RDH13: variants seen among roughly 807,000 people sequenced by gnomAD.
RDH13 encodes retinol dehydrogenase 13.
In RDH13, 35 loss-of-function variants were observed where a neutral mutation model predicts 28.3. The ratio of observed to expected loss-of-function variants is 1.24; its 90% CI spans 0.95 to 1.64. The LOEUF (loss-of-function observed/expected upper bound fraction) is 1.64. Among genes scored for constraint, RDH13 ranks in the 40% most tolerant of loss-of-function variants. The pLI, the probability that RDH13 is intolerant of heterozygous loss-of-function variation, is 0.00. For synonymous variants in RDH13, 229 were observed against 198.5 expected (o/e 1.15, Z -1.29); for missense variants, 514 against 446.3 (o/e 1.15, Z -1.37).
At chr19:55,065,115 G>A (rs2075936891), upstream of RDH13, among the ~76,000 whole-genome samples, 1 of 151,156 alleles carries the variant, frequency 6.6e-6, no homozygotes, top group East Asian at 2.0e-4. Context: ...ACTGGGCATG[G>A]TGGCTCATGC....
At chr19:55,063,166 C>T (rs371959994), upstream of RDH13, 61 of 787,012 alleles carry the variant, frequency 7.8e-5, no homozygotes, top group East Asian at 5.8e-4. Flanking sequence ...GCTGGGCCCG[C>T]GTCCGGAACT....
chr19:55,062,155 G>A (rs761339325), intron 1 of RDH13, among the ~76,000 whole-genome samples: 2 of 151,792 alleles, frequency 1.3e-5, no homozygotes, highest in Non-Finnish European at 2.9e-5. Context: ...ACATCAGCGA[G>A]AACCTCTGAC....
intron 3 of RDH13, among the ~76,000 whole-genome samples, chr19:55,049,459 G>A (rs1030581904): frequency 6.6e-6 from 1 of 152,128 alleles, no homozygotes; most frequent in African/African-American, 2.4e-5. Context: ...CTCAGCTCGG[G>A]TTCCGTAACA....
upstream of RDH13, among the ~76,000 whole-genome samples, chr19:55,064,671 T>TG (rs1180982580): frequency 1.3e-5 from 2 of 150,640 alleles, no homozygotes; most frequent in East Asian, 2.0e-4. Context: ...TGGAGAGCAG[T>TG]GGGCGATCTC....
intron 2 of RDH13, among the ~76,000 whole-genome samples, chr19:55,058,784 G>A (rs1226431614): frequency 6.6e-6 from 1 of 152,106 alleles, no homozygotes; most frequent in East Asian, 1.9e-4. Context: ...AGGTTCAAGC[G>A]ATTCTCCTGC....
intron 3 of RDH13, among the ~76,000 whole-genome samples, chr19:55,051,230 C>G (rs1359800941): frequency 6.6e-6 from 1 of 152,112 alleles, no homozygotes; most frequent in Non-Finnish European, 1.5e-5. Context: ...TGGAAGCTGA[C>G]AGGAGGCCCC....
chr19:55,066,729 C>T (rs2075970717), upstream of RDH13, among the ~76,000 whole-genome samples: 1 of 151,042 alleles, frequency 6.6e-6, no homozygotes, highest in South Asian at 2.1e-4. Context: ...GTGTGTGTCT[C>T]TCTCTCTCTG....
upstream of RDH13, among the ~76,000 whole-genome samples, chr19:55,066,732 T>C (rs934524577): frequency 5.3e-5 from 8 of 151,126 alleles, no homozygotes; most frequent in African/African-American, 1.9e-4. Context: ...TGTGTCTCTC[T>C]CTCTCTGTTC....
downstream of RDH13, chr19:55,042,661 G>A (rs2075069791): frequency 6.6e-6 from 1 of 152,148 alleles, no homozygotes; most frequent in South Asian, 2.1e-4. Context: ...CATGCTTAGG[G>A]TAGTCTTCCA....
chr19:55,046,171 G>A (rs1379357478), intron 6 of RDH13, among the ~76,000 whole-genome samples: 1 of 149,338 alleles, frequency 6.7e-6, no homozygotes, highest in Non-Finnish European at 1.5e-5. Context: ...CACTTGAACC[G>A]AGGAGGCAGA....
At chr19:55,059,569 G>A (rs1013893959) in intron 1 of RDH13, among the ~76,000 whole-genome samples, 3 of 141,118 alleles carry the variant, frequency 2.1e-5, no homozygotes, top group South Asian at 2.6e-4. Flanking sequence ...CACTTTGGGA[G>A]GCCAAAGTTT....
intron 3 of RDH13, among the ~76,000 whole-genome samples, chr19:55,048,964 AACAGAG>A (rs1419256888): frequency 1.5e-4 from 23 of 152,088 alleles, no homozygotes; most frequent in African/African-American, 3.9e-4. Flanking sequence ...AGGAAGGGAA[AACAGAG>A]ACAGAGACAC....
At chr19:55,044,043 A>C (rs1190413022), downstream of RDH13, 1 of 151,690 alleles carries the variant, frequency 6.6e-6, no homozygotes, top group Admixed American at 6.6e-5. Context: ...CAGCCTCCCG[A>C]GTAGCTGGGA....
intron 6 of RDH13, chr19:55,047,072 G>A (rs2146994202): frequency 8.3e-7 from 1 of 1,202,286 alleles, no homozygotes; most frequent in East Asian, 3.2e-5. Flanking sequence ...TTCCCCAGGA[G>A]GTGCAGCTGG....
chr19:55,064,770 AC>A (rs2075921804), upstream of RDH13, among the ~76,000 whole-genome samples: 1 of 85,892 alleles, frequency 1.2e-5, no homozygotes, highest in Admixed American at 1.2e-4. Context: ...GTGTCACCAC[AC>A]CCGGCTAATT....
chr19:55,066,204 T>C (rs2075955498), upstream of RDH13, among the ~76,000 whole-genome samples: 1 of 152,218 alleles, frequency 6.6e-6, no homozygotes, highest in Admixed American at 6.5e-5. Flanking sequence ...AACATCTGTT[T>C]GGACTCCAGG....
chr19:55,039,965 C>G (rs116118409), downstream of RDH13, among the ~76,000 whole-genome samples: 845 of 152,310 alleles, frequency 5.5e-3, 7 homozygotes, highest in African/African-American at 0.02. Context: ...TGCCGCTTAT[C>G]TGAGGTATCG....
intron 2 of RDH13, among the ~76,000 whole-genome samples, chr19:55,058,497 A>G (rs546635751): frequency 2.8e-4 from 42 of 152,064 alleles, no homozygotes; most frequent in Non-Finnish European, 4.3e-4. Flanking sequence ...TCCATTAAAC[A>G]GTAACTCCCC....
chr19:55,060,635 T>C (rs2075781334), intron 1 of RDH13, among the ~76,000 whole-genome samples: 1 of 152,172 alleles, frequency 6.6e-6, no homozygotes, highest in East Asian at 1.9e-4. Flanking sequence ...TCTCAGTCTC[T>C]CGTCCCACCC....
Sources: allele counts gnomAD v4.1 joint callset (sites outside exome capture counted in the v4.1 genomes callset), GRCh38; gene constraint gnomAD v4.1.1; transcripts MANE v1.5; gene names NCBI Gene and HGNC (gene_info 2026-07-23, HGNC 2026-07-21).